Variants in GRAMD2B observed in about 807,000 individuals in gnomAD.
The protein encoded by GRAMD2B is GRAM domain containing 2B.
A neutral mutation model predicts 59.2 loss-of-function variants in GRAMD2B; 41 were observed. The ratio of observed to expected loss-of-function variants is 0.69; its 90% CI spans 0.54 to 0.90. The LOEUF (loss-of-function observed/expected upper bound fraction) is 0.90. GRAMD2B is among the 40% of genes least tolerant of loss of function. The probability of loss-of-function intolerance (pLI) is 0.00; values close to 1 mark genes in which losing one functional copy is unlikely to be tolerated. For synonymous variants in GRAMD2B, 161 were observed against 182.7 expected (o/e 0.88, Z 0.96); for missense variants, 424 against 500.5 (o/e 0.85, Z 1.46).
chr5:126,428,004 A>G (rs1760907495), intron 1 of GRAMD2B, among the ~76,000 whole-genome samples: 1 of 152,144 alleles, frequency 6.6e-6, no homozygotes, highest in Non-Finnish European at 1.5e-5. Flanking sequence ...AGGCCGAGGC[A>G]GGTGGATCAC....
intron 13 of GRAMD2B, among the ~76,000 whole-genome samples, chr5:126,490,104 C>A (rs993031168): frequency 6.6e-6 from 1 of 152,158 alleles, no homozygotes; most frequent in Non-Finnish European, 1.5e-5. Context: ...AAGTTCTTTA[C>A]ATCGAGAATC....
At chr5:126,366,846 C>CTTTTTTTTTTTTT (rs59718576), upstream of GRAMD2B, among the ~76,000 whole-genome samples, 1 of 107,682 alleles carries the variant, frequency 9.3e-6, no homozygotes, top group African/African-American at 3.6e-5. Flanking sequence ...CAGACCAAGG[C>CTTTTTTTTTTTTT]TTTTTTTTTT....
chr5:126,416,617 A>G (rs1159128302), intron 1 of GRAMD2B, among the ~76,000 whole-genome samples: 3 of 152,162 alleles, frequency 2.0e-5, no homozygotes, highest in South Asian at 2.1e-4. Flanking sequence ...CTGAGATTCC[A>G]TCCTTCTCCC....
chr5:126,481,531 T>G (rs78788073), intron 8 of GRAMD2B, among the ~76,000 whole-genome samples: 3,817 of 152,240 alleles, frequency 0.025, 61 homozygotes, highest in Middle Eastern at 0.075. Context: ...TTGAAAGCGT[T>G]TTCACACAAA....
chr5:126,459,959 T>C (rs1202717699), intron 1 of GRAMD2B, among the ~76,000 whole-genome samples: 2 of 152,198 alleles, frequency 1.3e-5, no homozygotes, highest in Non-Finnish European at 2.9e-5. Context: ...AATAAACATA[T>C]AAGGACATTT....
chr5:126,399,931 T>C (rs1757681553), intron 1 of GRAMD2B, among the ~76,000 whole-genome samples: 1 of 152,196 alleles, frequency 6.6e-6, no homozygotes, highest in South Asian at 2.1e-4. Flanking sequence ...TCAGCCACTC[T>C]ATGTCTTTTT....
intron 2 of GRAMD2B, among the ~76,000 whole-genome samples, chr5:126,468,142 C>G (rs1768812156): frequency 6.6e-6 from 1 of 152,130 alleles, no homozygotes; most frequent in East Asian, 1.9e-4. Flanking sequence ...ATATATAACT[C>G]CAAAAATCAT....
At chr5:126,426,026 G>T (rs1331762212) in intron 1 of GRAMD2B, among the ~76,000 whole-genome samples, 6 of 152,054 alleles carry the variant, frequency 3.9e-5, no homozygotes, top group African/African-American at 1.4e-4. Flanking sequence ...CATAAAAAAT[G>T]ATAGGTAAGC....
intron 1 of GRAMD2B, among the ~76,000 whole-genome samples, chr5:126,399,259 TATATA>T (rs1344147896): frequency 2.0e-5 from 3 of 152,194 alleles, no homozygotes; most frequent in Non-Finnish European, 4.4e-5. Context: ...ATATTTGCTT[TATATA>T]ATATATTTAG....
chr5:126,428,977 G>A (rs1761091470), intron 1 of GRAMD2B, among the ~76,000 whole-genome samples: 1 of 152,124 alleles, frequency 6.6e-6, no homozygotes, highest in South Asian at 2.1e-4. Context: ...AAGACAGTGT[G>A]GCAATTCCTC....
At chr5:126,465,363 C>T (rs558279953) in intron 1 of GRAMD2B, 63 bp from the exon 2 acceptor site, 12 of 1,606,738 alleles carry the variant, frequency 7.5e-6, no homozygotes, top group East Asian at 2.2e-5. Flanking sequence ...GTTACTTCAT[C>T]GTTTTCCTTC....
At chr5:126,487,474 T>C (rs555856734) in intron 12 of GRAMD2B, among the ~76,000 whole-genome samples, 4 of 152,220 alleles carry the variant, frequency 2.6e-5, no homozygotes, top group Non-Finnish European at 5.9e-5. Flanking sequence ...CAGTCTTTTT[T>C]TTAACATGCC....
upstream of GRAMD2B, among the ~76,000 whole-genome samples, chr5:126,420,331 T>C (rs1294595817): frequency 6.6e-6 from 1 of 152,226 alleles, no homozygotes; most frequent in Non-Finnish European, 1.5e-5. Flanking sequence ...ATATTCCATA[T>C]ATTACTGTAG....
chr5:126,436,459 G>A (rs114017869), intron 1 of GRAMD2B, among the ~76,000 whole-genome samples: 1,775 of 152,122 alleles, frequency 0.012, 19 homozygotes, highest in Middle Eastern at 0.034. Flanking sequence ...GGCCAGCCTG[G>A]GCAACATAAC....
chr5:126,421,385 T>A (rs901789035), upstream of GRAMD2B, among the ~76,000 whole-genome samples: 1 of 152,204 alleles, frequency 6.6e-6, no homozygotes, highest in Non-Finnish European at 1.5e-5. Flanking sequence ...ACCTCATCTC[T>A]GTTCCAAACC....
rs115935406 is a variant in GRAMD2B at position 126,377,091 on chromosome 5, G to A, written c.125+5524G>A. ...TTCCCAGACTTCACCAGATACTTCC[G>A]CACATTCAATATTTTCTCAATGCAC... On this transcript the variant is annotated intron_variant, in intron 1 of 8. Transcript: ENST00000506445. Among the ~76,000 whole-genome samples the A allele has an allele frequency of 9.1e-3, 1,354 of 148,720 alleles. 19 individuals carry two copies. The highest frequency in any genetic ancestry group is 0.032 in the African/African-American group (1,275 of 40,078).
Position 126,394,651 on chromosome 5 carries a change from G to A in GRAMD2B, c.125+23084G>A, listed in dbSNP as rs181688181. 9.9e-4 allele frequency among the ~76,000 whole-genome samples: 150 copies of A among 152,232 alleles called. 1 individual carries two copies. Among genetic ancestry groups the A allele is most frequent in the African/African-American group, 3.4e-3 (140 of 41,538 alleles). ...TCCATCCAATCTTTACTCTGGAGAC[G>A]GGACATTGGCTCTACACACGTGAGT... On this transcript the variant is annotated intron_variant, in intron 1 of 8. Coordinates refer to the GRAMD2B transcript ENST00000506445.
At chr5:126,380,874 C>T (rs1031508759) in intron 1 of GRAMD2B, among the ~76,000 whole-genome samples, 1 of 151,996 alleles carries the variant, frequency 6.6e-6, no homozygotes, top group Non-Finnish European at 1.5e-5. Flanking sequence ...CCTCTTTACC[C>T]ATTTGGATGC....
At chr5:126,483,437 G>A (rs1554091891) in intron 8 of GRAMD2B, 26 bp from the exon 9 acceptor site, 1 of 1,415,222 alleles carries the variant, frequency 7.1e-7, no homozygotes, top group Non-Finnish European at 1.0e-6. Flanking sequence ...ATATCAGCCT[G>A]TCTTCATTTC....
Sources: allele counts gnomAD v4.1 joint callset (sites outside exome capture counted in the v4.1 genomes callset), GRCh38; gene constraint gnomAD v4.1.1; transcripts MANE v1.5; gene names NCBI Gene and HGNC (gene_info 2026-07-23, HGNC 2026-07-21).